Variants in MSRA observed in about 807,000 individuals in gnomAD.
MSRA encodes the protein mitochondrial peptide methionine sulfoxide reductase.
MSRA carries 54 observed loss-of-function variants against 31.3 expected under a neutral mutation model. The ratio of observed to expected loss-of-function variants is 1.73; its 90% CI spans 1.39 to 2.17. MSRA has a LOEUF of 2.17. MSRA is among the 30% of genes most tolerant of loss of function. MSRA has a pLI of 0.00. For missense variants in MSRA, 507 were observed against 300.9 expected, an observed-to-expected ratio of 1.69 and a Z score of -5.07; for synonymous variants, 169 against 116.5, an observed-to-expected ratio of 1.45 and a Z score of -2.90.
chr8:10,097,634 C>G (rs765640488), intron 1 of MSRA, among the ~76,000 whole-genome samples: 1 of 152,098 alleles, frequency 6.6e-6, no homozygotes, highest in East Asian at 1.9e-4. Flanking sequence ...AAATATATAA[C>G]TTATTTAATT....
At position 10,213,637 on chromosome 8, in the gene MSRA, C is replaced by T. The variant is rs1394057388; in HGVS notation, c.211+5736C>T. 1.3e-5 allele frequency among the ~76,000 whole-genome samples: 2 copies of T among 151,820 alleles called. 1 individual carries two copies. The highest frequency in any genetic ancestry group is 4.8e-5 in the African/African-American group (2 of 41,310). ...CTTTTTAGTAGAGACGGGGTTTCAC[C>T]ATGTTAGCCAGGATGGTCTCGATCT... On this transcript the variant is annotated intron_variant, in intron 2 of 5. Coordinates refer to ENST00000317173, the MANE Select transcript of MSRA (RefSeq NM_012331.5).
At chr8:10,337,807 A>G in intron 5 of MSRA, 2 of 702,556 alleles carry the variant, frequency 2.8e-6, no homozygotes, top group Non-Finnish European at 5.2e-6. Flanking sequence ...AACATTATTA[A>G]AGCAATATTA....
chr8:10,288,533 C>G (rs962178233), intron 3 of MSRA, among the ~76,000 whole-genome samples: 1 of 152,156 alleles, frequency 6.6e-6, no homozygotes, highest in East Asian at 1.9e-4. Flanking sequence ...AGCTGTTGGA[C>G]TGATTTTTTT....
intron 1 of MSRA, among the ~76,000 whole-genome samples, chr8:10,148,661 G>A (rs796092286): frequency 4.6e-5 from 7 of 151,206 alleles, no homozygotes; most frequent in African/African-American, 1.5e-4. Flanking sequence ...AAAAAAAAAC[G>A]GGAATTTAGT....
chr8:10,181,458 C>T (rs1036312765), intron 1 of MSRA, among the ~76,000 whole-genome samples: 3 of 144,288 alleles, frequency 2.1e-5, no homozygotes, highest in African/African-American at 7.8e-5. Context: ...AAAAAAAAAA[C>T]AATGGGAGAG....
chr8:10,412,949 T>C (rs2069193067), intron 5 of MSRA, among the ~76,000 whole-genome samples: 1 of 152,250 alleles, frequency 6.6e-6, no homozygotes, highest in South Asian at 2.1e-4. Flanking sequence ...TACTTCCACC[T>C]ACTGTGAGCC....
chr8:10,149,119 C>G (rs966167468), intron 1 of MSRA, among the ~76,000 whole-genome samples: 6 of 97,342 alleles, frequency 6.2e-5, no homozygotes, highest in Non-Finnish European at 8.8e-5. Context: ...CCACACCTGG[C>G]TAACTTTTTT....
At chr8:10,108,865 A>G (rs964556895) in intron 1 of MSRA, among the ~76,000 whole-genome samples, 8 of 152,228 alleles carry the variant, frequency 5.3e-5, no homozygotes, top group African/African-American at 1.7e-4. Context: ...AAAGCAGCCC[A>G]GAGCTTCTGC....
chr8:10,176,569 T>A (rs548016146), intron 1 of MSRA, among the ~76,000 whole-genome samples: 1 of 152,346 alleles, frequency 6.6e-6, no homozygotes, highest in Non-Finnish European at 1.5e-5. Context: ...TTAGCTCATC[T>A]CCTGTTTCAG....
intron 2 of MSRA, among the ~76,000 whole-genome samples, chr8:10,218,399 C>T (rs10103496): frequency 0.043 from 6,611 of 152,172 alleles, 228 homozygotes; most frequent in African/African-American, 0.099. Context: ...CCCGTCTCAG[C>T]CTCCCAAAAT....
intron 5 of MSRA, among the ~76,000 whole-genome samples, chr8:10,323,933 T>A (rs1802210475): frequency 6.6e-6 from 1 of 152,006 alleles, no homozygotes; most frequent in Non-Finnish European, 1.5e-5. Context: ...AATCACCAAC[T>A]CAGGGGACAA....
intron 1 of MSRA, among the ~76,000 whole-genome samples, chr8:10,107,485 G>A (rs971023652): frequency 6.6e-6 from 1 of 152,256 alleles, no homozygotes; most frequent in South Asian, 2.1e-4. Flanking sequence ...GAGATATTCT[G>A]TGCGTCTCTG....
chr8:10,414,061 C>T (rs974555238), intron 5 of MSRA, among the ~76,000 whole-genome samples: 8 of 151,864 alleles, frequency 5.3e-5, no homozygotes, highest in African/African-American at 7.3e-5. Flanking sequence ...CTGCTACTTG[C>T]GAGGTTGAGA....
chr8:10,188,574 A>G (rs1020540228), intron 1 of MSRA, among the ~76,000 whole-genome samples: 9 of 152,218 alleles, frequency 5.9e-5, no homozygotes, highest in African/African-American at 1.2e-4. Context: ...TTTAAAGTTA[A>G]TTGTCGTATA....
intron 3 of MSRA, among the ~76,000 whole-genome samples, chr8:10,295,651 G>C (rs1054619876): frequency 6.6e-6 from 1 of 152,216 alleles, no homozygotes; most frequent in African/African-American, 2.4e-5. Context: ...CTCAACTCCA[G>C]TCTGAGTTGC....
At chr8:10,125,637 G>T (rs569558968) in intron 1 of MSRA, among the ~76,000 whole-genome samples, 16 of 152,316 alleles carry the variant, frequency 1.1e-4, no homozygotes, top group African/African-American at 3.4e-4. Context: ...ACTGAGCAGC[G>T]CTGATGACAG....
At chr8:10,125,625 C>T (rs981181878) in intron 1 of MSRA, among the ~76,000 whole-genome samples, 4 of 152,170 alleles carry the variant, frequency 2.6e-5, no homozygotes, top group Non-Finnish European at 4.4e-5. Flanking sequence ...ATAGCGGGAA[C>T]CACTGAGCAG....
rs1802107264 is a variant in MSRA, at chr8:10,134,303, AG to A, written c.143-73529del. On this transcript the variant is annotated intron_variant, in intron 1 of 5. Coordinates refer to ENST00000317173, the MANE Select transcript of MSRA (RefSeq NM_012331.5). ...CCACGTAAGACAATGGGAAAAAAGA[AG>A]CCTCCAGCTTCTGGGTGTTTACCGT... is the stretch of plus-strand genomic sequence containing the variant. 2.0e-5 allele frequency among the ~76,000 whole-genome samples: 3 copies of A among 152,342 alleles called. No homozygotes were observed. In the South Asian group the frequency reaches 6.2e-4, roughly 32 times the overall value.
At chr8:10,306,023 A>C (rs1475558102) in intron 4 of MSRA, among the ~76,000 whole-genome samples, 1 of 152,182 alleles carries the variant, frequency 6.6e-6, no homozygotes, top group Non-Finnish European at 1.5e-5. Flanking sequence ...CTTCTTTCTT[A>C]CTCATGGGAT....
Sources: allele counts gnomAD v4.1 joint callset (sites outside exome capture counted in the v4.1 genomes callset), GRCh38; gene constraint gnomAD v4.1.1; transcripts MANE v1.5; gene names NCBI Gene and HGNC (gene_info 2026-07-23, HGNC 2026-07-21).